The following PSMA1 variants were observed in gnomAD, a reference collection of about 807,000 sequenced individuals.
PSMA1 encodes proteasome 20S subunit alpha 1.
A neutral mutation model predicts 38.4 loss-of-function variants in PSMA1; 3 were observed. The ratio of observed to expected loss-of-function variants is 0.08; its 90% CI spans 0.04 to 0.20. PSMA1 has a LOEUF of 0.20. Among genes scored for constraint, PSMA1 ranks in the 10% least tolerant of loss-of-function variants. The pLI is 1.00. For synonymous variants in PSMA1, 101 were observed against 107.1 expected (o/e 0.94, Z 0.35); for missense variants, 227 against 325.3 (o/e 0.70, Z 2.32).
intron 1 of PSMA1, among the ~76,000 whole-genome samples, chr11:14,632,741 G>A (rs1383267214): frequency 6.8e-6 from 1 of 147,232 alleles, no homozygotes; most frequent in African/African-American, 2.5e-5. Flanking sequence ...AAGTTCTCCT[G>A]GATAATATCC....
intron 1 of PSMA1, among the ~76,000 whole-genome samples, chr11:14,630,530 G>C (rs768977999): frequency 0.081 from 12,228 of 151,880 alleles, 524 homozygotes; most frequent in East Asian, 0.13. Flanking sequence ...TGGTCATGGT[G>C]GATAAGCTTT....
At chr11:14,513,785 C>T (rs1851383855) in intron 6 of PSMA1, 32 bp downstream of exon 6, 3 of 1,551,446 alleles carry the variant, frequency 1.9e-6, no homozygotes, top group Non-Finnish European at 2.6e-6. Flanking sequence ...TAAAAAAAAT[C>T]ATTAACATAT....
At chr11:14,540,863 A>AG (rs1401140834) in intron 2 of PSMA1, among the ~76,000 whole-genome samples, 7 of 150,648 alleles carry the variant, frequency 4.6e-5, no homozygotes, top group Non-Finnish European at 7.4e-5. Context: ...AAGAAAAAAA[A>AG]GTTCCTGGTA....
chr11:14,589,903 C>T (rs2134187561), intron 2 of PSMA1, among the ~76,000 whole-genome samples: 1 of 152,316 alleles, frequency 6.6e-6, no homozygotes, highest in Middle Eastern at 3.4e-3. Flanking sequence ...CTGGGAGCAA[C>T]AGTAGCAGGA....
intron 1 of PSMA1, among the ~76,000 whole-genome samples, chr11:14,621,099 T>A (rs1235982108): frequency 1.3e-5 from 2 of 152,212 alleles, no homozygotes; most frequent in Non-Finnish European, 2.9e-5. Context: ...GTGAGTGTAC[T>A]TTTAATTAAT....
At chr11:14,552,496 G>A (rs1244483676) in intron 2 of PSMA1, among the ~76,000 whole-genome samples, 1 of 152,204 alleles carries the variant, frequency 6.6e-6, no homozygotes, top group Non-Finnish European at 1.5e-5. Context: ...TGTGAGCTCA[G>A]TTAATATGAA....
chr11:14,530,464 A>G (rs560829313), intron 2 of PSMA1, among the ~76,000 whole-genome samples: 1 of 152,360 alleles, frequency 6.6e-6, no homozygotes, highest in East Asian at 1.9e-4. Context: ...TTAAAATGCA[A>G]CTACACATAT....
chr11:14,643,628 G>A (rs936647878), upstream of PSMA1: 2 of 151,042 alleles, frequency 1.3e-5, no homozygotes, highest in African/African-American at 4.8e-5. Context: ...TCCCTGTTGG[G>A]CGGCCGCGGC....
upstream of PSMA1, among the ~76,000 whole-genome samples, chr11:14,520,961 G>T (rs2134153121): frequency 6.6e-6 from 1 of 152,270 alleles, no homozygotes; most frequent in Admixed American, 6.5e-5. Flanking sequence ...ACCCCTCATT[G>T]TTATTATGAT....
chr11:14,513,480 A>G, intron 7 of PSMA1, 90 bp downstream of exon 7: 3 of 1,223,360 alleles, frequency 2.5e-6, no homozygotes, highest in Non-Finnish European at 3.1e-6. Context: ...TAAGACTTAC[A>G]GTTTTATGCA....
rs1851924461 is a variant in PSMA1, at chr11:14,554,740, T to TGATTTTTAAAC, written c.22-35700_22-35699insGTTTAAAAATC. ...ATGTAAGATTCACTTTTTTTAAAAG[T>TGATTTTTAAAC]GGATTTTTTAAACGGATTTTTTTAG... is the stretch of plus-strand genomic sequence containing the variant. On this transcript the variant is annotated intron_variant, in intron 2 of 10. Coordinates refer to the PSMA1 transcript ENST00000418988. 3.9e-5 allele frequency among the ~76,000 whole-genome samples: 6 copies of TGATTTTTAAAC among 152,302 alleles called. No homozygotes were observed. The South Asian group carries it at 1.2e-3, about 32-fold the overall frequency.
intron 1 of PSMA1, among the ~76,000 whole-genome samples, chr11:14,640,444 A>G (rs1398014163): frequency 1.3e-5 from 2 of 152,260 alleles, no homozygotes; most frequent in African/African-American, 2.4e-5. Flanking sequence ...CAGACATTCT[A>G]TCTCCCAGAT....
chr11:14,592,871 T>G (rs896663967), intron 2 of PSMA1, among the ~76,000 whole-genome samples: 4 of 152,228 alleles, frequency 2.6e-5, no homozygotes, highest in African/African-American at 9.6e-5. Context: ...CCTTTCCTAA[T>G]CCTCCTATCT....
chr11:14,566,485 C>T (rs1227886035), intron 2 of PSMA1, among the ~76,000 whole-genome samples: 3 of 152,056 alleles, frequency 2.0e-5, no homozygotes, highest in African/African-American at 7.2e-5. Context: ...CATGTGATAC[C>T]ATATGCACAC....
intron 2 of PSMA1, among the ~76,000 whole-genome samples, chr11:14,552,262 T>C (rs1478257396): frequency 1.3e-5 from 2 of 152,128 alleles, no homozygotes; most frequent in East Asian, 3.9e-4. Flanking sequence ...AAAGCCACAG[T>C]CTCTACTCCT....
At chr11:14,568,646 T>G (rs559215813) in intron 2 of PSMA1, among the ~76,000 whole-genome samples, 1 of 152,352 alleles carries the variant, frequency 6.6e-6, no homozygotes, top group South Asian at 2.1e-4. Flanking sequence ...AGCATACTCC[T>G]GGAGGATCTG....
chr11:14,575,890 C>T (rs1327318312), intron 2 of PSMA1, among the ~76,000 whole-genome samples: 4 of 152,184 alleles, frequency 2.6e-5, no homozygotes, highest in Non-Finnish European at 5.9e-5. Context: ...TGTAAAAGTG[C>T]TCCTATTTCT....
rs541213668 is a variant in PSMA1 at position 14,527,401 on chromosome 11, T to A, written c.22-8360A>T. 2.0e-5 allele frequency among the ~76,000 whole-genome samples: 3 copies of A among 152,292 alleles called. No individual in the cohort carries two copies. In the South Asian group the frequency reaches 6.2e-4, roughly 32 times the overall value. On this transcript the variant is annotated intron_variant, in intron 2 of 10. Coordinates refer to the PSMA1 transcript ENST00000418988. ...AGCCTCACAGGCCCATTCTATTCTA[T>A]CATCATTTCATAACCTCTTCCATGT...
At chr11:14,559,151 G>GA (rs1851980776) in intron 2 of PSMA1, among the ~76,000 whole-genome samples, 2 of 152,034 alleles carry the variant, frequency 1.3e-5, no homozygotes, top group Admixed American at 6.5e-5. Context: ...AGGAAGGAGA[G>GA]AAGGAAACAA....
Sources: gnomAD v4.1 joint callset for allele counts (sites outside exome capture counted in the v4.1 genomes callset) on GRCh38, gnomAD v4.1.1 for gene constraint, MANE v1.5 for transcripts, NCBI Gene and HGNC (gene_info 2026-07-23, HGNC 2026-07-21) for gene names.